Variants in IL1RAPL2 observed in about 807,000 individuals in gnomAD.
IL1RAPL2 encodes interleukin 1 receptor accessory protein like 2.
IL1RAPL2 carries 3 observed loss-of-function variants against 44.1 expected under a neutral mutation model. That is an observed-to-expected ratio of 0.07 (90% CI 0.03 to 0.18). The LOEUF (loss-of-function observed/expected upper bound fraction) is 0.18, where lower values mean the gene tolerates loss of function less well. Among genes scored for constraint, IL1RAPL2 ranks in the 10% least tolerant of loss-of-function variants. The pLI, the probability that IL1RAPL2 is intolerant of heterozygous loss-of-function variation, is 1.00. For missense variants in IL1RAPL2, 391 were observed against 496.4 expected (o/e 0.79, Z 2.02); for synonymous variants, 181 against 178.8 (o/e 1.01, Z -0.10).
intron 6 of IL1RAPL2, among the ~76,000 whole-genome samples, chrX:105,659,696 T>TA (rs2037706035): frequency 9.3e-6 from 1 of 107,169 alleles, no homozygotes; most frequent in African/African-American, 3.4e-5. Context: ...AATAAAAGAA[T>TA]AAAAAAAATT....
At position 105,600,686 on chromosome X, in the gene IL1RAPL2, T is replaced by C. The variant is rs199731660; in HGVS notation, c.772+116299T>C. On this transcript the variant is annotated intron_variant, in intron 6 of 10. Coordinates refer to ENST00000372582, the MANE Select transcript of IL1RAPL2 (RefSeq NM_017416.2). ...ATTAATAATATTTGATAATAGAATA[T>C]TTAATTAATTTAATTGATAATGAAT... is the stretch of plus-strand genomic sequence containing the variant. 2.8e-3 allele frequency among the ~76,000 whole-genome samples: 285 copies of C among 101,181 alleles called. 1 individual carries two copies. Among genetic ancestry groups the C allele is most frequent in the Non-Finnish European group, 4.9e-3 (237 of 48,727 alleles). The allele number at this position is 101,181 out of a possible 115,157, so 87.9% of individuals were successfully genotyped here.
chrX:104,836,770 G>T (rs1921754252), intron 2 of IL1RAPL2, among the ~76,000 whole-genome samples: 1 of 110,930 alleles, frequency 9.0e-6, no homozygotes. Context: ...CGTGCAAAGT[G>T]TGCAGGTTTG....
intron 6 of IL1RAPL2, among the ~76,000 whole-genome samples, chrX:105,587,103 T>A (rs1284275112): frequency 8.9e-6 from 1 of 111,766 alleles, no homozygotes; most frequent in Non-Finnish European, 1.9e-5. Flanking sequence ...TTTTCTATAG[T>A]CCTCCCTGTA....
chrX:105,599,821 T>A (rs897118637), intron 6 of IL1RAPL2, among the ~76,000 whole-genome samples: 1 of 110,798 alleles, frequency 9.0e-6, no homozygotes, highest in Non-Finnish European at 1.9e-5. Context: ...AGTTATAAAC[T>A]ATGACATTGA....
intron 5 of IL1RAPL2, among the ~76,000 whole-genome samples, chrX:105,431,315 G>A (rs1052153120): frequency 3.6e-5 from 4 of 112,072 alleles, no homozygotes; most frequent in African/African-American, 1.3e-4. Context: ...AAGCTGGCAT[G>A]TGATCTGAGA....
intron 6 of IL1RAPL2, among the ~76,000 whole-genome samples, chrX:105,598,170 A>T (rs1450506475): frequency 9.0e-6 from 1 of 111,481 alleles, no homozygotes; most frequent in East Asian, 2.8e-4. Context: ...AGCTAGATGC[A>T]GCTAGAGGAC....
chrX:105,051,439 A>G (rs912256195), intron 2 of IL1RAPL2, among the ~76,000 whole-genome samples: 3 of 112,852 alleles, frequency 2.7e-5, no homozygotes, highest in African/African-American at 9.6e-5. Flanking sequence ...TGCCTGGTCC[A>G]TGGAGTGGGA....
chrX:105,284,767 A>T (rs987922673), intron 5 of IL1RAPL2, among the ~76,000 whole-genome samples: 1 of 111,540 alleles, frequency 9.0e-6, no homozygotes, highest in Non-Finnish European at 1.9e-5. Flanking sequence ...CTAATGAGGA[A>T]CTGAGTTGGG....
intron 2 of IL1RAPL2, among the ~76,000 whole-genome samples, chrX:104,733,143 T>C (rs1931952794): frequency 8.9e-6 from 1 of 111,762 alleles, no homozygotes; most frequent in South Asian, 3.7e-4. Flanking sequence ...ATAAATGTTA[T>C]TGACCAAAAA....
At chrX:105,443,857 C>G (rs1051742757) in intron 5 of IL1RAPL2, among the ~76,000 whole-genome samples, 3 of 111,956 alleles carry the variant, frequency 2.7e-5, no homozygotes. Context: ...GGTATGTACA[C>G]AGCAGTGGGA....
chrX:105,755,299 T>C lies in IL1RAPL2; in HGVS notation c.1315T>C (p.Tyr439His). 8.3e-7 allele frequency: 1 copy of C among 1,206,018 alleles called. No homozygotes were observed. The change falls in exon 10 of 11, where the codon TAT (tyrosine) becomes CAT (histidine). Residue 439 changes from tyrosine (Y) to histidine (H), a missense_variant. Around this residue, in one of 2 missense-constraint regions of IL1RAPL2, gnomAD observed 232 missense variants for 244.8 expected, o/e 0.95. Coordinates refer to ENST00000372582, the MANE Select transcript of IL1RAPL2 (RefSeq NM_017416.2). ...ACTGCCAGATGTCCTGGAAAAACAC[T>C]ATGGATATAAACTCTTCATCCCAGA... ...EVLPDVLEKH[Y>H]GYKLFIPERD...
chrX:105,654,959 C>T (rs756802117), intron 6 of IL1RAPL2, among the ~76,000 whole-genome samples: 15 of 111,939 alleles, frequency 1.3e-4, no homozygotes, highest in African/African-American at 4.5e-4. Flanking sequence ...CAGACAATCC[C>T]TGGAGCAAGG....
intron 6 of IL1RAPL2, among the ~76,000 whole-genome samples, chrX:105,610,049 C>A (rs2037324379): frequency 9.0e-6 from 1 of 111,692 alleles, no homozygotes; most frequent in Admixed American, 9.5e-5. Context: ...AGGCTGTCTG[C>A]TTGCCTGTGT....
intron 5 of IL1RAPL2, among the ~76,000 whole-genome samples, chrX:105,435,966 T>A (rs1220606389): frequency 9.0e-6 from 1 of 110,948 alleles, no homozygotes; most frequent in Non-Finnish European, 1.9e-5. Context: ...GGGTAATGGG[T>A]TGATAGGTGC....
intron 1 of IL1RAPL2, among the ~76,000 whole-genome samples, chrX:104,614,392 A>G (rs1350274141): frequency 8.9e-6 from 1 of 111,787 alleles, no homozygotes; most frequent in East Asian, 2.8e-4. Context: ...TTGTATTCCA[A>G]GAGTATGATT....
intron 2 of IL1RAPL2, among the ~76,000 whole-genome samples, chrX:104,697,664 G>C (rs897302672): frequency 5.4e-5 from 6 of 111,385 alleles, no homozygotes; most frequent in Non-Finnish European, 9.4e-5. Context: ...TTATAGTCTA[G>C]GGTGAGATGC....
chrX:105,345,381 T>A (rs1160218391), intron 5 of IL1RAPL2, among the ~76,000 whole-genome samples: 1 of 111,730 alleles, frequency 9.0e-6, no homozygotes, highest in South Asian at 3.7e-4. Flanking sequence ...CATCGGATAG[T>A]TAAGCTCAGG....
Position 104,996,697 on chromosome X carries a change from G to T in IL1RAPL2, c.83-198778G>T, listed in dbSNP as rs181810042. Among the ~76,000 whole-genome samples, 10 of 111,932 alleles carry T rather than the reference G, an allele frequency of 8.9e-5. No individual in the cohort carries two copies. In the East Asian group the frequency reaches 2.8e-3, roughly 32 times the overall value. On this transcript the variant is annotated intron_variant, in intron 2 of 10. Coordinates refer to ENST00000372582, the MANE Select transcript of IL1RAPL2 (RefSeq NM_017416.2). Reference sequence around the variant, plus strand: ...TGCTTACTATGTGCCAGACACTGTGGTAGGCCCTAAGAATAAGTCAGTAAG... The same window carrying T: ...TGCTTACTATGTGCCAGACACTGTGTTAGGCCCTAAGAATAAGTCAGTAAG...
At chrX:105,274,919 G>T in intron 5 of IL1RAPL2, among the ~76,000 whole-genome samples, 1 of 112,067 alleles carries the variant, frequency 8.9e-6, no homozygotes, top group Non-Finnish European at 1.9e-5. Context: ...TTTTCTAAAA[G>T]GGGGTTGGAG....
Sources: gnomAD v4.1 joint callset for allele counts (sites outside exome capture counted in the v4.1 genomes callset) on GRCh38, gnomAD v4.1.1 for gene constraint, gnomAD v4.1.1 regional missense constraint, MANE v1.5 for transcripts, NCBI Gene and HGNC (gene_info 2026-07-23, HGNC 2026-07-21) for gene names.